SPAG16: variants seen among roughly 807,000 people sequenced by gnomAD.
The protein encoded by SPAG16 is sperm-associated antigen 16 protein.
SPAG16 carries 86 observed loss-of-function variants against 80.4 expected under a neutral mutation model. That is an observed-to-expected ratio of 1.07 (90% CI 0.90 to 1.28). The LOEUF (loss-of-function observed/expected upper bound fraction) is 1.28. Ranked by LOEUF, SPAG16 falls within the 50% of genes most tolerant of loss-of-function variation. SPAG16 has a pLI of 0.00. For missense variants in SPAG16, 870 were observed against 765.3 expected (o/e 1.14, Z -1.61); for synonymous variants, 294 against 265.9 (o/e 1.11, Z -1.03).
At chr2:213,347,999 C>G (rs2065093825) in intron 6 of SPAG16, among the ~76,000 whole-genome samples, 1 of 152,116 alleles carries the variant, frequency 6.6e-6, no homozygotes, top group Non-Finnish European at 1.5e-5. Flanking sequence ...TAAAATCTCC[C>G]ATTATGATTG....
At chr2:213,876,655 G>A (rs1006384044) in intron 11 of SPAG16, among the ~76,000 whole-genome samples, 1 of 152,134 alleles carries the variant, frequency 6.6e-6, no homozygotes, top group Non-Finnish European at 1.5e-5. Flanking sequence ...TGATTAAAAT[G>A]TTTACTTTTC....
intron 13 of SPAG16, among the ~76,000 whole-genome samples, chr2:214,072,806 G>A (rs1438735624): frequency 6.6e-6 from 1 of 152,064 alleles, no homozygotes; most frequent in African/African-American, 2.4e-5. Flanking sequence ...AAATAAAAAT[G>A]TAATGTATTT....
intron 15 of SPAG16, among the ~76,000 whole-genome samples, chr2:214,372,101 T>C (rs1699860667): frequency 6.6e-6 from 1 of 152,200 alleles, no homozygotes; most frequent in South Asian, 2.1e-4. Context: ...CTCTCCTCTT[T>C]TGCATAAAAT....
At chr2:213,551,781 A>C (rs1260059432) in intron 10 of SPAG16, among the ~76,000 whole-genome samples, 1 of 152,116 alleles carries the variant, frequency 6.6e-6, no homozygotes, top group African/African-American at 2.4e-5. Context: ...TGACGTCCCC[A>C]CTCCACTTCT....
chr2:213,939,160 C>G (rs962538381), intron 12 of SPAG16, among the ~76,000 whole-genome samples: 6 of 152,272 alleles, frequency 3.9e-5, no homozygotes, highest in African/African-American at 1.2e-4. Flanking sequence ...TTATCCTTCA[C>G]TAGATTTGAC....
intron 9 of SPAG16, among the ~76,000 whole-genome samples, chr2:213,443,076 T>G (rs1004272278): frequency 5.9e-5 from 9 of 152,150 alleles, no homozygotes; most frequent in Admixed American, 1.3e-4. Flanking sequence ...TAAAACATAC[T>G]GTTTTGATAT....
At chr2:213,804,772 G>T (rs1049776609) in intron 10 of SPAG16, among the ~76,000 whole-genome samples, 1 of 152,164 alleles carries the variant, frequency 6.6e-6, no homozygotes. Context: ...AGCCCTGTGC[G>T]GGATGGTGAG....
chr2:213,645,881 A>G (rs1474339610), intron 10 of SPAG16, among the ~76,000 whole-genome samples: 1 of 152,176 alleles, frequency 6.6e-6, no homozygotes, highest in East Asian at 1.9e-4. Flanking sequence ...TGGAGACAAG[A>G]GCGCTGTAGC....
intron 10 of SPAG16, among the ~76,000 whole-genome samples, chr2:213,495,874 G>T (rs1018211200): frequency 6.6e-6 from 1 of 152,138 alleles, no homozygotes. Flanking sequence ...CAAGGGGTCC[G>T]GCATGGACAG....
At chr2:214,243,875 G>A (rs1282591735) in intron 15 of SPAG16, among the ~76,000 whole-genome samples, 1 of 152,022 alleles carries the variant, frequency 6.6e-6, no homozygotes, top group African/African-American at 2.4e-5. Context: ...TAGGAATGAA[G>A]GAGTTCCTCA....
At chr2:213,546,128 C>T (rs2076604803) in intron 10 of SPAG16, among the ~76,000 whole-genome samples, 1 of 152,050 alleles carries the variant, frequency 6.6e-6, no homozygotes, top group Non-Finnish European at 1.5e-5. Context: ...ACTCTCAGGC[C>T]TAACTGCTTC....
chr2:213,940,404 A>G (rs2079149566), intron 12 of SPAG16, among the ~76,000 whole-genome samples: 1 of 152,180 alleles, frequency 6.6e-6, no homozygotes, highest in Admixed American at 6.5e-5. Context: ...CTCCTGCCTC[A>G]GCCTCCTGAG....
chr2:213,736,954 C>A (rs940325936), intron 10 of SPAG16, among the ~76,000 whole-genome samples: 2 of 152,124 alleles, frequency 1.3e-5, no homozygotes, highest in Non-Finnish European at 2.9e-5. Context: ...GATCTGCCCA[C>A]CTCGGCCCCC....
chr2:213,333,549 A>T (rs562240884), intron 5 of SPAG16, among the ~76,000 whole-genome samples: 6 of 152,322 alleles, frequency 3.9e-5, no homozygotes, highest in African/African-American at 1.4e-4. Flanking sequence ...AGGCAAAGCT[A>T]TCCTAAGCAA....
intron 15 of SPAG16, among the ~76,000 whole-genome samples, chr2:214,244,280 A>G (rs1689688838): frequency 6.6e-6 from 1 of 152,044 alleles, no homozygotes; most frequent in Non-Finnish European, 1.5e-5. Context: ...CAATGCAATT[A>G]TAAATAGATT....
chr2:214,134,149 C>T (rs1039918762), intron 14 of SPAG16, among the ~76,000 whole-genome samples: 7 of 152,184 alleles, frequency 4.6e-5, no homozygotes, highest in African/African-American at 7.2e-5. Context: ...TCCAAATCCA[C>T]GCTTTTTGAA....
intron 10 of SPAG16, among the ~76,000 whole-genome samples, chr2:213,694,239 A>G (rs2065068515): frequency 6.6e-6 from 1 of 152,184 alleles, no homozygotes; most frequent in African/African-American, 2.4e-5. Context: ...TTATTAGCAC[A>G]GTAAAATTTA....
At chr2:213,953,353 A>G (rs1193449148) in intron 12 of SPAG16, among the ~76,000 whole-genome samples, 1 of 151,978 alleles carries the variant, frequency 6.6e-6, no homozygotes, top group Non-Finnish European at 1.5e-5. Flanking sequence ...AAAATTTTAA[A>G]GAATAAATAG....
intron 10 of SPAG16, among the ~76,000 whole-genome samples, chr2:213,657,815 T>G (rs2125169622): frequency 6.6e-6 from 1 of 151,704 alleles, no homozygotes; most frequent in South Asian, 2.1e-4. Flanking sequence ...TTATACTAGC[T>G]TCTTTTAAAA....
Sources: allele counts gnomAD v4.1 joint callset (sites outside exome capture counted in the v4.1 genomes callset), GRCh38; gene constraint gnomAD v4.1.1; transcripts MANE v1.5; gene names NCBI Gene and HGNC (gene_info 2026-07-23, HGNC 2026-07-21).